GPC3: variants seen among roughly 807,000 people sequenced by gnomAD.
GPC3 encodes the protein glypican 3, also known as glypican-3.
A neutral mutation model predicts 34.4 loss-of-function variants in GPC3; 3 were observed. The ratio of observed to expected loss-of-function variants is 0.09; its 90% confidence interval spans 0.04 to 0.23. The LOEUF is 0.23. Ranked by LOEUF, GPC3 falls within the 10% of genes least tolerant of loss-of-function variation. GPC3 has a pLI of 1.00. For synonymous variants in GPC3, 177 were observed against 174.0 expected, an observed-to-expected ratio of 1.02 and a Z score of -0.13; for missense variants, 351 against 445.6, an observed-to-expected ratio of 0.79 and a Z score of 1.91.
intron 2 of GPC3, among the ~76,000 whole-genome samples, chrX:133,824,409 A>G: frequency 9.0e-6 from 1 of 111,681 alleles, no homozygotes; most frequent in East Asian, 2.8e-4. Flanking sequence ...CAGAGAGTAG[A>G]GTAGTTGTTA....
intron 2 of GPC3, among the ~76,000 whole-genome samples, chrX:133,932,224 G>A (rs2076301759): frequency 8.9e-6 from 1 of 112,406 alleles, no homozygotes; most frequent in African/African-American, 3.2e-5. Flanking sequence ...AACAAACACA[G>A]CTGGATTTCT....
chrX:133,940,580 C>T (rs1219712172), intron 2 of GPC3, among the ~76,000 whole-genome samples: 1 of 111,608 alleles, frequency 9.0e-6, no homozygotes, highest in Non-Finnish European at 1.9e-5. Context: ...TTTATTTCTC[C>T]TTCACTTAAG....
At chrX:133,877,128 G>T (rs1308369764) in intron 2 of GPC3, among the ~76,000 whole-genome samples, 1 of 111,939 alleles carries the variant, frequency 8.9e-6, no homozygotes, top group Non-Finnish European at 1.9e-5. Flanking sequence ...TATTTTAGAT[G>T]TGAGTCAGAA....
chrX:133,910,147 A>T (rs966321074), intron 2 of GPC3, among the ~76,000 whole-genome samples: 1 of 109,724 alleles, frequency 9.1e-6, no homozygotes, highest in Non-Finnish European at 1.9e-5. Flanking sequence ...TCCATTTTTG[A>T]CCCCTACTCC....
intron 3 of GPC3, among the ~76,000 whole-genome samples, 157 bp downstream of exon 3, chrX:133,753,325 T>C (rs2071685079): frequency 9.0e-6 from 1 of 111,188 alleles, no homozygotes; most frequent in African/African-American, 3.3e-5. Context: ...TAGCCTGTGG[T>C]CTTAATATGC....
At chrX:133,832,227 T>C (rs2075778803) in intron 2 of GPC3, among the ~76,000 whole-genome samples, 1 of 110,338 alleles carries the variant, frequency 9.1e-6, no homozygotes, top group Non-Finnish European at 1.9e-5. Context: ...TTGCAGTGAG[T>C]GGAGATCGCA....
At chrX:133,722,373 C>T (rs2071375329) in intron 3 of GPC3, among the ~76,000 whole-genome samples, 1 of 111,263 alleles carries the variant, frequency 9.0e-6, no homozygotes, top group Non-Finnish European at 1.9e-5. Flanking sequence ...AATGTCACTG[C>T]CTTTCCAATT....
intron 2 of GPC3, among the ~76,000 whole-genome samples, chrX:133,839,927 CAAAAAAAAAA>C (rs138981758): frequency 2.0e-5 from 1 of 50,089 alleles, no homozygotes; most frequent in Non-Finnish European, 4.1e-5. Context: ...GACTCCGTTT[CAAAAAAAAAA>C]AAAAAAAAAG....
intron 6 of GPC3, among the ~76,000 whole-genome samples, chrX:133,604,055 T>A (rs1226802134): frequency 9.0e-6 from 1 of 111,536 alleles, no homozygotes; most frequent in Non-Finnish European, 1.9e-5. Context: ...GGGTTTAACA[T>A]ATGTTCTCTC....
chrX:133,905,617 G>A (rs2076164551), intron 2 of GPC3, among the ~76,000 whole-genome samples: 1 of 111,859 alleles, frequency 8.9e-6, no homozygotes, highest in African/African-American at 3.2e-5. Context: ...AAAGAAAATG[G>A]ATGTCAAATC....
At chrX:133,826,950 T>G (rs1470768012) in intron 2 of GPC3, among the ~76,000 whole-genome samples, 1 of 112,226 alleles carries the variant, frequency 8.9e-6, no homozygotes, top group Non-Finnish European at 1.9e-5. Context: ...ACTATGCCTC[T>G]AATGAAGGGG....
At chrX:133,908,363 T>C (rs1490938547) in intron 2 of GPC3, among the ~76,000 whole-genome samples, 3 of 111,183 alleles carry the variant, frequency 2.7e-5, no homozygotes, top group Non-Finnish European at 5.6e-5. Context: ...GATATCATAG[T>C]GAACACAGAG....
At chrX:133,952,656 C>T in intron 2 of GPC3, among the ~76,000 whole-genome samples, 1 of 112,344 alleles carries the variant, frequency 8.9e-6, no homozygotes, top group Non-Finnish European at 1.9e-5. Context: ...TGGAAATGGT[C>T]CTAGTGGTCA....
chrX:133,841,086 G>T (rs1014160117), intron 2 of GPC3, among the ~76,000 whole-genome samples: 2 of 108,608 alleles, frequency 1.8e-5, no homozygotes, highest in Admixed American at 9.9e-5. Flanking sequence ...GAAAGTTCTT[G>T]TTCTGTCACC....
At chrX:133,913,584 G>A (rs1260200197) in intron 2 of GPC3, among the ~76,000 whole-genome samples, 1 of 111,916 alleles carries the variant, frequency 8.9e-6, no homozygotes, top group Non-Finnish European at 1.9e-5. Context: ...AGACTTAAAC[G>A]TGGGATTTTA....
intron 7 of GPC3, among the ~76,000 whole-genome samples, chrX:133,541,072 C>T (rs1433405930): frequency 9.1e-6 from 1 of 110,034 alleles, no homozygotes; most frequent in Admixed American, 9.8e-5. Flanking sequence ...CAGGGAGCCA[C>T]TGAAGGTTTT....
chrX:133,842,463 G>C (rs2075830206), intron 2 of GPC3, among the ~76,000 whole-genome samples: 1 of 107,339 alleles, frequency 9.3e-6, no homozygotes, highest in Non-Finnish European at 1.9e-5. Context: ...CGTTAGTTCT[G>C]TCCCTCTAAG....
At chrX:133,589,292 T>C (rs2069822424) in intron 7 of GPC3, among the ~76,000 whole-genome samples, 4 of 111,935 alleles carry the variant, frequency 3.6e-5, no homozygotes, top group South Asian at 3.8e-4. Context: ...CGGGAGGTAA[T>C]TGAATCATGG....
chrX:133,645,346 C>T (rs1205754964), intron 6 of GPC3, among the ~76,000 whole-genome samples: 1 of 111,605 alleles, frequency 9.0e-6, no homozygotes, highest in African/African-American at 3.3e-5. Context: ...GATTGTTTGC[C>T]GTTGTCTACC....
Sources: gnomAD v4.1 joint callset for allele counts (sites outside exome capture counted in the v4.1 genomes callset) on GRCh38, gnomAD v4.1.1 for gene constraint, MANE v1.5 for transcripts, NCBI Gene and HGNC (gene_info 2026-07-23, HGNC 2026-07-21) for gene names.